The following CSMD3 variants were observed in gnomAD, a reference collection of about 807,000 sequenced individuals.
CSMD3 encodes the protein CUB and Sushi multiple domains 3.
Under a neutral mutation model 435.2 loss-of-function variants are expected in CSMD3, and 177 were observed. The ratio of observed to expected loss-of-function variants is 0.41; its 90% CI spans 0.36 to 0.46. The LOEUF is 0.46. Ranked by LOEUF, CSMD3 falls within the 20% of genes least tolerant of loss-of-function variation. CSMD3 has a pLI of 0.34. For missense variants in CSMD3, 4,265 were observed against 4,504.6 expected (o/e 0.95, Z 1.52); for synonymous variants, 1,656 against 1,520.5 (o/e 1.09, Z -2.07).
chr8:113,192,199 T>C (rs1449920798), intron 3 of CSMD3, among the ~76,000 whole-genome samples: 1 of 151,750 alleles, frequency 6.6e-6, no homozygotes, highest in Non-Finnish European at 1.5e-5. Flanking sequence ...GGCAAGGCCC[T>C]GTGCTAATGT....
intron 2 of CSMD3, among the ~76,000 whole-genome samples, chr8:113,300,634 C>A (rs1401642625): frequency 2.6e-5 from 4 of 152,006 alleles, no homozygotes; most frequent in Admixed American, 6.6e-5. Flanking sequence ...AAGAGTTAAA[C>A]ACTGAAGATG....
chr8:112,696,680 C>T (rs937675686), intron 13 of CSMD3, among the ~76,000 whole-genome samples: 1 of 152,092 alleles, frequency 6.6e-6, no homozygotes, highest in Non-Finnish European at 1.5e-5. Context: ...GACTTCATGT[C>T]CAAAACACCA....
chr8:113,335,751 A>G (rs762493043), intron 1 of CSMD3, among the ~76,000 whole-genome samples: 5 of 151,596 alleles, frequency 3.3e-5, no homozygotes, highest in Non-Finnish European at 5.9e-5. Flanking sequence ...AAAGTGTTCT[A>G]TAAGTGTTAA....
intron 5 of CSMD3, among the ~76,000 whole-genome samples, chr8:113,075,602 A>G (rs1307251195): frequency 6.6e-6 from 1 of 151,872 alleles, no homozygotes; most frequent in Non-Finnish European, 1.5e-5. Flanking sequence ...TGGCTAATTC[A>G]TTTCTCATCA....
At chr8:112,325,132 TA>T (rs529475717) in intron 45 of CSMD3, among the ~76,000 whole-genome samples, 3 of 152,076 alleles carry the variant, frequency 2.0e-5, no homozygotes, top group Admixed American at 1.3e-4. Flanking sequence ...TCTTACTTCT[TA>T]AAAAAATGTT....
chr8:112,565,049 T>C (rs908959034), intron 24 of CSMD3, among the ~76,000 whole-genome samples: 1 of 152,104 alleles, frequency 6.6e-6, no homozygotes, highest in Non-Finnish European at 1.5e-5. Context: ...AAAATAATGA[T>C]ACTTTTATTA....
intron 13 of CSMD3, among the ~76,000 whole-genome samples, chr8:112,750,008 G>T (rs1006487968): frequency 6.6e-6 from 1 of 151,988 alleles, no homozygotes; most frequent in Non-Finnish European, 1.5e-5. Flanking sequence ...AGCAATCTGC[G>T]AGTATGTTGA....
rs1207711437 is a variant in CSMD3 at position 112,352,452 on chromosome 8, T to C, written c.6219A>G (p.Val2073=). ...KIGDRYMVGD[V]VSFQCDQGYS... is the part of the protein sequence containing the mutation. Reference sequence around the variant, plus strand: ...ATCCTTGATCACACTGAAAGGATACTACATCTCCAACCATATATCTGTCTC... The same window carrying C: ...ATCCTTGATCACACTGAAAGGATACCACATCTCCAACCATATATCTGTCTC... The change falls in exon 39 of 71, where the codon GTA becomes GTG. Residue 2073 remains valine (V), a synonymous_variant. Coordinates refer to ENST00000297405, the MANE Select transcript of CSMD3 (RefSeq NM_198123.2). 3 of 1,613,660 alleles carry C rather than the reference T, an allele frequency of 1.9e-6. No homozygotes were observed. The highest frequency in any genetic ancestry group is 3.3e-5 in the Admixed American group (2 of 60,012).
At chr8:112,335,835 T>C (rs1824507774) in intron 44 of CSMD3, among the ~76,000 whole-genome samples, 1 of 152,018 alleles carries the variant, frequency 6.6e-6, no homozygotes, top group Non-Finnish European at 1.5e-5. Context: ...TCACAGACTG[T>C]TAAAGTTACA....
chr8:113,248,919 A>C (rs1211108004), intron 3 of CSMD3, among the ~76,000 whole-genome samples: 2 of 151,876 alleles, frequency 1.3e-5, no homozygotes, highest in Non-Finnish European at 2.9e-5. Context: ...TTTAGAAAAA[A>C]ATGTTATTCA....
chr8:112,694,995 C>T (rs1476813031), intron 13 of CSMD3, among the ~76,000 whole-genome samples: 1 of 151,988 alleles, frequency 6.6e-6, no homozygotes, highest in Non-Finnish European at 1.5e-5. Context: ...CAGGGGAAGG[C>T]ATCACCTCAC....
intron 31 of CSMD3, among the ~76,000 whole-genome samples, chr8:112,484,599 T>C (rs1176100897): frequency 6.6e-6 from 1 of 151,840 alleles, no homozygotes; most frequent in Non-Finnish European, 1.5e-5. Context: ...ACATGGTAGT[T>C]GAGAATGGGG....
chr8:112,827,186 T>TG (rs1160693691), intron 12 of CSMD3, among the ~76,000 whole-genome samples: 10 of 127,338 alleles, frequency 7.9e-5, no homozygotes, highest in African/African-American at 2.5e-4. Flanking sequence ...TATATATATA[T>TG]ATATATATAT....
chr8:112,297,806 C>A lies in CSMD3; in HGVS notation c.8441-1800G>T, dbSNP rs780045120. 2.1e-4 allele frequency among the ~76,000 whole-genome samples: 32 copies of A among 151,846 alleles called. No individual in the cohort carries two copies. In the Middle Eastern group the frequency reaches 0.01, roughly 49 times the overall value. ...TTGTATTTTATATACTGACAGCAAA[C>A]AATTGGAGAATGTAATTTAGATAAA... On this transcript the variant is annotated intron_variant, in intron 53 of 70. Coordinates refer to ENST00000297405, the MANE Select transcript of CSMD3 (RefSeq NM_198123.2).
chr8:113,310,818 G>T (rs780195974), intron 2 of CSMD3: 1 of 151,586 alleles, frequency 6.6e-6, no homozygotes, highest in Non-Finnish European at 1.5e-5. Context: ...TCATAAGGAT[G>T]CTAATACGTG....
intron 58 of CSMD3, 96 bp from the exon 59 acceptor site, chr8:112,281,446 A>T: frequency 1.0e-6 from 1 of 981,594 alleles, no homozygotes; most frequent in East Asian, 2.6e-5. Flanking sequence ...AAATTATTCA[A>T]AGAAGCAATA....
intron 13 of CSMD3, among the ~76,000 whole-genome samples, chr8:112,765,027 G>C (rs1269933480): frequency 2.0e-5 from 3 of 151,302 alleles, no homozygotes; most frequent in African/African-American, 7.3e-5. Flanking sequence ...AGAGGTAAGA[G>C]GAAAAACAAG....
At chr8:113,145,200 C>T (rs1175881729) in intron 4 of CSMD3, among the ~76,000 whole-genome samples, 1 of 151,364 alleles carries the variant, frequency 6.6e-6, no homozygotes, top group Non-Finnish European at 1.5e-5. Flanking sequence ...ACAGGATCTG[C>T]AGACCATGTA....
At chr8:113,295,802 T>C (rs997525076) in intron 2 of CSMD3, among the ~76,000 whole-genome samples, 3 of 152,162 alleles carry the variant, frequency 2.0e-5, no homozygotes, top group East Asian at 1.9e-4. Flanking sequence ...ACTGGGTATA[T>C]ACCCAAAGGA....
Sources: gnomAD v4.1 joint callset for allele counts (sites outside exome capture counted in the v4.1 genomes callset) on GRCh38, gnomAD v4.1.1 for gene constraint, MANE v1.5 for transcripts, NCBI Gene and HGNC (gene_info 2026-07-23, HGNC 2026-07-21) for gene names.